CLIP2: variants seen among roughly 807,000 people sequenced by gnomAD.
The protein encoded by CLIP2 is CAP-Gly domain containing linker protein 2.
Under a neutral mutation model 111.7 loss-of-function variants are expected in CLIP2, and 41 were observed. The ratio of observed to expected loss-of-function variants is 0.37; its 90% CI spans 0.29 to 0.48. CLIP2 has a LOEUF of 0.48. Among genes scored for constraint, CLIP2 ranks in the 20% least tolerant of loss-of-function variants. The pLI is 0.99. For synonymous variants in CLIP2, 660 were observed against 644.2 expected, an observed-to-expected ratio of 1.02 and a Z score of -0.37; for missense variants, 1,160 against 1,422.1, an observed-to-expected ratio of 0.82 and a Z score of 2.96.
At position 74,375,891 on chromosome 7, in the gene CLIP2, C is replaced by A; in HGVS notation, c.1490C>A (p.Thr497Asn). The change falls in exon 10 of 17, where the codon ACC becomes AAC. Residue 497 changes from threonine to asparagine, a missense_variant. Physicochemically the swap from Thr to Asn is moderately conservative, Grantham distance 65. Transcript: ENST00000223398. The stretch of plus-strand genomic sequence containing the variant: ...TGTCTCCCTCTCTCCCCACAGCTGA[C>A]CACAGTGGCCGAGAAGTCGCGCGTG... Reference protein sequence around the residue: ...LLRELADNRLTTVAEKSRVLQ... With the variant: ...LLRELADNRLNTVAEKSRVLQ... 6.5e-7 allele frequency: 1 copy of A among 1,546,634 alleles called. No homozygotes were observed. Among genetic ancestry groups the A allele is most frequent in the Non-Finnish European group, 8.7e-7 (1 of 1,146,654 alleles).
chr7:74,305,865 A>ACCCCC (rs1788472143), intron 1 of CLIP2, among the ~76,000 whole-genome samples: 1 of 75,054 alleles, frequency 1.3e-5, no homozygotes, highest in African/African-American at 9.8e-5. Flanking sequence ...ACCCCCCCCC[A>ACCCCC]CCGCCCCTGC....
chr7:74,363,618 CTCACG>C (rs1299276023), intron 7 of CLIP2, among the ~76,000 whole-genome samples: 1 of 152,202 alleles, frequency 6.6e-6, no homozygotes, highest in Non-Finnish European at 1.5e-5. Flanking sequence ...GGCGCGGAGG[CTCACG>C]CCTGTAATCC....
chr7:74,297,867 C>T (rs1033188305), intron 1 of CLIP2, among the ~76,000 whole-genome samples: 2 of 151,660 alleles, frequency 1.3e-5, no homozygotes, highest in African/African-American at 4.8e-5. Context: ...GGCTGGAGTG[C>T]AGTCGTGCCA....
At position 74,397,194 on chromosome 7, in the gene CLIP2, G is replaced by C; in HGVS notation, c.2841G>C (p.Lys947Asn). The C allele has an allele frequency of 1.2e-6, 2 of 1,613,914 alleles. No individual in the cohort carries two copies. Residue 947 changes from lysine (K) to asparagine (N), a missense_variant, in exon 14 of 17, where the codon AAG (lysine) becomes AAC (asparagine). Lys to Asn is a moderately conservative substitution (Grantham distance 94). This residue lies in a region of CLIP2 where 676 missense variants were observed against 777.8 expected (regional missense o/e 0.87). Coordinates refer to ENST00000223398, the MANE Select transcript of CLIP2 (RefSeq NM_003388.5). ...GGCGGATCAAGGAGCAGAAACTCAAGGATGACATCCGGGGCCTGCGTGAAA... is the reference window on the plus strand; with the variant it reads ...GGCGGATCAAGGAGCAGAAACTCAACGATGACATCCGGGGCCTGCGTGAAA... ...AEWRIKEQKL[K>N]DDIRGLREKL... is the part of the protein sequence containing the mutation.
rs34597740 is a variant in CLIP2, at chr7:74,391,649, G to A, written c.2720+2390G>A. Among the ~76,000 whole-genome samples, 11 of 151,126 alleles carry A rather than the reference G, an allele frequency of 7.3e-5. No individual in the cohort carries two copies. The East Asian group carries it at 9.9e-4, about 14-fold the overall frequency. On this transcript the variant is annotated intron_variant, in intron 13 of 16. Coordinates refer to ENST00000223398, the MANE Select transcript of CLIP2 (RefSeq NM_003388.5). Reference sequence around the variant, plus strand: ...AGCCTGGTCAACATGGCGAAACCCCGTCTCTACTAAAAATACAAAAATTAG... The same window carrying A: ...AGCCTGGTCAACATGGCGAAACCCCATCTCTACTAAAAATACAAAAATTAG...
At chr7:74,390,751 G>A (rs55714955) in intron 13 of CLIP2, among the ~76,000 whole-genome samples, 6 of 138,714 alleles carry the variant, frequency 4.3e-5, no homozygotes, top group Middle Eastern at 3.5e-3. Flanking sequence ...GGCGGGGTGG[G>A]GGGGGTGGGT....
At chr7:74,323,582 C>T (rs1789027707) in intron 2 of CLIP2, among the ~76,000 whole-genome samples, 1 of 152,064 alleles carries the variant, frequency 6.6e-6, no homozygotes, top group South Asian at 2.1e-4. Context: ...CACCCATCAC[C>T]ATACCTGGCT....
At chr7:74,303,442 G>A (rs1554727124) in intron 1 of CLIP2, among the ~76,000 whole-genome samples, 1 of 152,036 alleles carries the variant, frequency 6.6e-6, no homozygotes, top group African/African-American at 2.4e-5. Context: ...TAGGGCTTGG[G>A]GAGCCCCCTT....
Position 74,404,353 on chromosome 7 carries a change from C to T in CLIP2, c.*505C>T. ...CCCTTTTCCGAAGCCACTTCCAGGC[C>T]AAGGCAGTCGCCAGGGCTTCTTGTC... On this transcript the variant is annotated 3_prime_UTR_variant, in exon 17 of 17. Transcript: ENST00000223398. 1 of 161,246 alleles carries T rather than the reference C, an allele frequency of 6.2e-6. No homozygotes were observed. Among genetic ancestry groups the T allele is most frequent in the Non-Finnish European group, 1.4e-5 (1 of 73,134 alleles). 10.0% of individuals were successfully genotyped at this position (161,246 alleles called of 1,614,324 possible).
At chr7:74,299,276 G>A (rs1331386772) in intron 1 of CLIP2, among the ~76,000 whole-genome samples, 1 of 152,010 alleles carries the variant, frequency 6.6e-6, no homozygotes, top group Non-Finnish European at 1.5e-5. Context: ...AGTGAGCTGT[G>A]ATTGTGCCAC....
chr7:74,387,422 T>C (rs1791144528), intron 12 of CLIP2, among the ~76,000 whole-genome samples: 1 of 152,156 alleles, frequency 6.6e-6, no homozygotes, highest in Non-Finnish European at 1.5e-5. Flanking sequence ...CTAATTTTTG[T>C]ATTTTTTTAG....
At chr7:74,359,010 G>C (rs1445406635) in intron 6 of CLIP2, among the ~76,000 whole-genome samples, 2 of 152,074 alleles carry the variant, frequency 1.3e-5, no homozygotes, top group Non-Finnish European at 2.9e-5. Context: ...TGTCACCCAG[G>C]CTGGAGTGCA....
chr7:74,395,274 C>A (rs1424286303), intron 13 of CLIP2, among the ~76,000 whole-genome samples: 3 of 152,072 alleles, frequency 2.0e-5, no homozygotes, highest in African/African-American at 7.2e-5. Flanking sequence ...ATTCTCCTGC[C>A]CCAGCCTCTC....
At chr7:74,384,681 A>G (rs1791036764) in intron 11 of CLIP2, among the ~76,000 whole-genome samples, 5 of 151,722 alleles carry the variant, frequency 3.3e-5, no homozygotes, top group South Asian at 4.2e-4. Context: ...CCTGGCCTCA[A>G]TCGATGCACC....
At chr7:74,299,776 G>A (rs149231394) in intron 1 of CLIP2, among the ~76,000 whole-genome samples, 4 of 151,358 alleles carry the variant, frequency 2.6e-5, no homozygotes, top group African/African-American at 7.3e-5. Context: ...TCGGCTCACC[G>A]CATCCTCCAC....
At chr7:74,386,629 A>C (rs782504696) in intron 12 of CLIP2, 25 bp downstream of exon 12, 2 of 1,563,158 alleles carry the variant, frequency 1.3e-6, no homozygotes, top group Non-Finnish European at 1.7e-6. Context: ...CGCAGGGCAG[A>C]TGCGGGGGGC....
At chr7:74,342,348 C>T (rs1789679991) in intron 3 of CLIP2, among the ~76,000 whole-genome samples, 1 of 151,592 alleles carries the variant, frequency 6.6e-6, no homozygotes, top group Admixed American at 6.6e-5. Flanking sequence ...TGCACTCCAG[C>T]CTGGGTGGCA....
chr7:74,340,979 C>A (rs1317399539), intron 3 of CLIP2, among the ~76,000 whole-genome samples: 2 of 152,074 alleles, frequency 1.3e-5, no homozygotes, highest in African/African-American at 4.8e-5. Flanking sequence ...TGCCTGGGAT[C>A]CTCCCTTCCT....
chr7:74,348,976 G>A (rs1346973996), intron 3 of CLIP2, among the ~76,000 whole-genome samples: 4 of 150,952 alleles, frequency 2.6e-5, no homozygotes, highest in Non-Finnish European at 5.9e-5. Context: ...GTGAAACCTC[G>A]CCTATACAAG....
Sources: allele counts gnomAD v4.1 joint callset (sites outside exome capture counted in the v4.1 genomes callset), GRCh38; gene constraint gnomAD v4.1.1; regional missense constraint gnomAD v4.1.1; transcripts MANE v1.5; gene names NCBI Gene and HGNC (gene_info 2026-07-23, HGNC 2026-07-21).